Variants in VCF1 observed in about 807,000 individuals in gnomAD.
VCF1 encodes VCP nuclear cofactor family member 1.
chr17:73,229,686 T>C, the VCF1 span: 1 of 459,570 alleles, frequency 2.2e-6, no homozygotes, highest in Non-Finnish European at 2.9e-6. Context: ...GCCCACATGG[T>C]GAAACCCTGT....
At chr17:73,224,478 T>TA in the VCF1 span, among the ~76,000 whole-genome samples, 1 of 152,094 alleles carries the variant, frequency 6.6e-6, no homozygotes, top group Non-Finnish European at 1.5e-5. Flanking sequence ...TTACATAACT[T>TA]AAGTTTCAAG....
the VCF1 span, among the ~76,000 whole-genome samples, chr17:73,231,842 CA>C: frequency 4.6e-5 from 7 of 151,786 alleles, no homozygotes; most frequent in African/African-American, 1.5e-4. Context: ...TAGGAAAAGA[CA>C]GGGGGGAAAA....
At chr17:73,219,754 CG>C in the VCF1 span, among the ~76,000 whole-genome samples, 1 of 152,038 alleles carries the variant, frequency 6.6e-6, no homozygotes, top group Non-Finnish European at 1.5e-5. Context: ...AGGTGGATCA[CG>C]TGAGTCCAGG....
chr17:73,216,584 G>C, the VCF1 span, among the ~76,000 whole-genome samples: 2 of 152,046 alleles, frequency 1.3e-5, no homozygotes, highest in Non-Finnish European at 2.9e-5. Flanking sequence ...AAGAAACAGT[G>C]GGTAAAAGGA....
the VCF1 span, among the ~76,000 whole-genome samples, chr17:73,212,172 TAAAC>T: frequency 1.2e-4 from 18 of 152,366 alleles, no homozygotes; most frequent in Admixed American, 9.1e-4. Context: ...ATGTATAAAT[TAAAC>T]AAAATGCTGT....
the VCF1 span, among the ~76,000 whole-genome samples, chr17:73,220,929 C>T: frequency 6.0e-5 from 7 of 116,600 alleles, no homozygotes; most frequent in South Asian, 2.7e-4. Flanking sequence ...GATGGAGTCT[C>T]GCTCTGTCGC....
chr17:73,211,170 T>C, the VCF1 span, among the ~76,000 whole-genome samples: 1 of 152,166 alleles, frequency 6.6e-6, no homozygotes, highest in Non-Finnish European at 1.5e-5. Context: ...AAAAAAAGAC[T>C]GGAGGCCAGG....
At chr17:73,226,242 G>A in the VCF1 span, among the ~76,000 whole-genome samples, 3 of 152,078 alleles carry the variant, frequency 2.0e-5, no homozygotes, top group Non-Finnish European at 2.9e-5. Context: ...AGAAACTCAG[G>A]TCTCCACACA....
At chr17:73,225,899 A>ATT in the VCF1 span, among the ~76,000 whole-genome samples, 17 of 114,840 alleles carry the variant, frequency 1.5e-4, no homozygotes, top group South Asian at 2.7e-4. Context: ...ATATATATAT[A>ATT]TTTTTTTTTT....
At chr17:73,213,426 G>A in the VCF1 span, among the ~76,000 whole-genome samples, 1 of 151,942 alleles carries the variant, frequency 6.6e-6, no homozygotes, top group Admixed American at 6.6e-5. Flanking sequence ...CGAAGTCTTT[G>A]GCATCATTTT....
chr17:73,224,329 C>T, the VCF1 span, among the ~76,000 whole-genome samples: 1 of 150,314 alleles, frequency 6.7e-6, no homozygotes, highest in Non-Finnish European at 1.5e-5. Context: ...CCTGTAGTTC[C>T]AGCTACTTGG....
chr17:73,220,521 T>G, the VCF1 span, among the ~76,000 whole-genome samples: 1 of 151,720 alleles, frequency 6.6e-6, no homozygotes, highest in Non-Finnish European at 1.5e-5. Context: ...CTCATCTCAC[T>G]GCAACCTCCG....
the VCF1 span, among the ~76,000 whole-genome samples, chr17:73,215,268 T>G: frequency 6.6e-6 from 1 of 152,228 alleles, no homozygotes; most frequent in African/African-American, 2.4e-5. Flanking sequence ...ACAATCTATT[T>G]TGGAATTACC....
chr17:73,215,843 A>G, the VCF1 span, among the ~76,000 whole-genome samples: 3 of 152,198 alleles, frequency 2.0e-5, no homozygotes, highest in African/African-American at 7.2e-5. Flanking sequence ...ACTGAGTACT[A>G]GGAGAGGATC....
the VCF1 span, among the ~76,000 whole-genome samples, chr17:73,230,113 A>G: frequency 1.3e-5 from 2 of 152,022 alleles, no homozygotes; most frequent in African/African-American, 4.8e-5. Flanking sequence ...CCTGGGCAAT[A>G]TAGTGAAACC....
chr17:73,212,663 C>G, the VCF1 span: 1 of 1,586,856 alleles, frequency 6.3e-7, no homozygotes, highest in Non-Finnish European at 8.6e-7. Flanking sequence ...TCACTACACT[C>G]AATTAGAAAC....
the VCF1 span, chr17:73,209,209 AT>A: frequency 5.9e-6 from 2 of 338,208 alleles, no homozygotes; most frequent in Middle Eastern, 8.5e-4. Context: ...TAGTTGACAG[AT>A]TTGGAAATCA....
chr17:73,232,371 T>TGGTAACCCCGCCC, the VCF1 span: 1 of 1,446,354 alleles, frequency 6.9e-7, no homozygotes. Flanking sequence ...CCGCACCGAC[T>TGGTAACCCCGCCC]GGTAACCCCG....
the VCF1 span, among the ~76,000 whole-genome samples, chr17:73,212,058 C>T: frequency 3.3e-5 from 5 of 152,134 alleles, no homozygotes; most frequent in South Asian, 1.0e-3. Flanking sequence ...AAAGAAAGAA[C>T]GAAATCACAG....
Sources: allele counts gnomAD v4.1 joint callset (sites outside exome capture counted in the v4.1 genomes callset), GRCh38; gene constraint gnomAD v4.1.1; transcripts MANE v1.5; gene names NCBI Gene and HGNC (gene_info 2026-07-23, HGNC 2026-07-21).